Variants in RUNX2 observed in about 807,000 individuals in gnomAD.
RUNX2 encodes the protein RUNX family transcription factor 2, also known as runt-related transcription factor 2.
A neutral mutation model predicts 51.7 loss-of-function variants in RUNX2; 10 were observed. The observed-to-expected ratio is 0.19, with a 90% CI of 0.12 to 0.33. The LOEUF is 0.33. Among genes scored for constraint, RUNX2 ranks in the 10% least tolerant of loss-of-function variants. RUNX2 has a pLI of 1.00. For missense variants in RUNX2, 562 were observed against 691.3 expected, an observed-to-expected ratio of 0.81 and a Z score of 2.10; for synonymous variants, 276 against 273.6, an observed-to-expected ratio of 1.01 and a Z score of -0.09.
chr6:45,411,445 C>T lies in RUNX2; in HGVS notation c.59-11148C>T, dbSNP rs999694159. On this transcript the variant is annotated intron_variant, in intron 2 of 8. Transcript: ENST00000647337. ...TTGACTTTGAACTGGAATATTTTTG[C>T]CATATCTCTGCCTAGAGGGAATTTT... is the stretch of plus-strand genomic sequence containing the variant. Among the ~76,000 whole-genome samples the T allele has an allele frequency of 3.3e-5, 5 of 152,068 alleles. No individual in the cohort carries two copies. In the East Asian group the frequency reaches 9.7e-4, roughly 29 times the overall value.
At chr6:45,527,667 A>G (rs1801712281) in intron 7 of RUNX2, among the ~76,000 whole-genome samples, 1 of 152,238 alleles carries the variant, frequency 6.6e-6, no homozygotes, top group Admixed American at 6.5e-5. Flanking sequence ...GATTTATTAA[A>G]CAAATACAGA....
In RUNX2 at chr6:45,445,172, G is replaced by A. The variant is rs144732328; in HGVS notation, c.685+7121G>A. Among the ~76,000 whole-genome samples the A allele has an allele frequency of 6.0e-3, 913 of 152,120 alleles. 11 individuals carry two copies. The highest frequency in any genetic ancestry group is 0.021 in the African/African-American group (853 of 41,504). On this transcript the variant is annotated intron_variant, in intron 5 of 8. Transcript: ENST00000647337. Reference sequence around the variant, plus strand: ...CCTGAGTAGCTGGGATTACAAGTGTGTGCCACCACACCTGGCTAATTTTTT... The same window carrying A: ...CCTGAGTAGCTGGGATTACAAGTGTATGCCACCACACCTGGCTAATTTTTT...
rs937250650 is a variant in RUNX2 at position 45,482,621 on chromosome 6, T to C, written c.686-9320T>C. Among the ~76,000 whole-genome samples, 8 of 152,352 alleles carry C rather than the reference T, an allele frequency of 5.3e-5. No individual in the cohort carries two copies. The South Asian group carries it at 6.2e-4, about 12-fold the overall frequency. ...AATATGACTACATATGAGATTGAGATAGTGAACTTTATGTCACTGGTCTAA... is the reference window on the plus strand; with the variant it reads ...AATATGACTACATATGAGATTGAGACAGTGAACTTTATGTCACTGGTCTAA... On this transcript the variant is annotated intron_variant, in intron 5 of 8. Transcript: ENST00000647337.
intron 2 of RUNX2, among the ~76,000 whole-genome samples, chr6:45,334,612 C>A (rs1051446201): frequency 6.6e-6 from 1 of 150,822 alleles, no homozygotes. Flanking sequence ...ATTTTTACAC[C>A]GAAACAAAAT....
chr6:45,419,065 C>T (rs927233414), intron 2 of RUNX2, among the ~76,000 whole-genome samples: 5 of 152,068 alleles, frequency 3.3e-5, no homozygotes, highest in African/African-American at 7.2e-5. Flanking sequence ...GACAAAACAG[C>T]GATGGAGAAA....
At position 45,361,301 on chromosome 6, in the gene RUNX2, T is replaced by A. The variant is rs1794215523; in HGVS notation, c.58+32517T>A. 2.0e-5 allele frequency among the ~76,000 whole-genome samples: 3 copies of A among 152,172 alleles called. No individual in the cohort carries two copies. The South Asian group carries it at 6.2e-4, about 31-fold the overall frequency. Reference sequence around the variant, plus strand: ...AACAAGATTTTTTCAATGTTATTGCTATTTATCCCCAAAACTCCCAATTTT... The same window carrying A: ...AACAAGATTTTTTCAATGTTATTGCAATTTATCCCCAAAACTCCCAATTTT... On this transcript the variant is annotated intron_variant, in intron 2 of 8. Coordinates refer to ENST00000647337, the MANE Select transcript of RUNX2 (RefSeq NM_001024630.4).
chr6:45,432,041 C>T lies in RUNX2; in HGVS notation c.580+22C>T, dbSNP rs1798556211. ...CGAGGTAGGTCTCTGACTTTTGATA[C>T]TGATAATAGAATAAGCACATTAGGC... On this transcript the variant is annotated intron_variant, in intron 4 of 8. Transcript: ENST00000647337. 1.9e-6 allele frequency: 3 copies of T among 1,611,374 alleles called. No individual in the cohort carries two copies. In the East Asian group the frequency reaches 6.7e-5, roughly 36 times the overall value.
chr6:45,530,496 C>T (rs1013696610), intron 7 of RUNX2, among the ~76,000 whole-genome samples: 4 of 152,190 alleles, frequency 2.6e-5, no homozygotes, highest in Non-Finnish European at 5.9e-5. Context: ...TGCATTCCCC[C>T]ACAGTATCCT....
At position 45,531,701 on chromosome 6, in the gene RUNX2, C is replaced by T. The variant is rs1289316960; in HGVS notation, c.1022-13516C>T. ...CCAGGAGACAGAGGCTGTGGTGAGC[C>T]GAGATGGCGCCACTGCACTCCAGTC... On this transcript the variant is annotated intron_variant, in intron 7 of 8. Transcript: ENST00000647337. Among the ~76,000 whole-genome samples the T allele has an allele frequency of 2.6e-5, 4 of 151,850 alleles. No homozygotes were observed. The East Asian group carries it at 5.8e-4, about 22-fold the overall frequency.
Position 45,398,142 on chromosome 6 carries a change from G to A in RUNX2, c.59-24451G>A, listed in dbSNP as rs530464163. ...AGGGTGTAAGCTATAGATTCAGATT[G>A]CCTTGGCTTCACTGCTTTCAGTGTG... is the stretch of plus-strand genomic sequence containing the variant. On this transcript the variant is annotated intron_variant, in intron 2 of 8. Coordinates refer to ENST00000647337, the MANE Select transcript of RUNX2 (RefSeq NM_001024630.4). 6.6e-5 allele frequency among the ~76,000 whole-genome samples: 10 copies of A among 152,302 alleles called. No individual in the cohort carries two copies. The East Asian group carries it at 1.7e-3, about 26-fold the overall frequency.
chr6:45,509,456 C>A (rs1801077293), intron 6 of RUNX2, among the ~76,000 whole-genome samples: 1 of 152,256 alleles, frequency 6.6e-6, no homozygotes, highest in African/African-American at 2.4e-5. Flanking sequence ...TATAGATGAG[C>A]CACCAAGGCC....
At chr6:45,477,770 T>G (rs1799996747) in intron 5 of RUNX2, among the ~76,000 whole-genome samples, 1 of 152,238 alleles carries the variant, frequency 6.6e-6, no homozygotes, top group African/African-American at 2.4e-5. Context: ...CACTCCCTTC[T>G]AAATCTATCT....
intron 7 of RUNX2, among the ~76,000 whole-genome samples, chr6:45,520,613 C>T (rs921201773): frequency 6.6e-6 from 1 of 152,204 alleles, no homozygotes; most frequent in Non-Finnish European, 1.5e-5. Flanking sequence ...GTTGTTCCCT[C>T]TTGGGCATGC....
At chr6:45,400,768 C>G (rs906057312) in intron 2 of RUNX2, among the ~76,000 whole-genome samples, 31 of 152,168 alleles carry the variant, frequency 2.0e-4, no homozygotes, top group Admixed American at 1.9e-3. Context: ...GTGTGGTGAG[C>G]TTTACCGAAG....
At chr6:45,529,788 G>A (rs982317944) in intron 7 of RUNX2, among the ~76,000 whole-genome samples, 1 of 152,154 alleles carries the variant, frequency 6.6e-6, no homozygotes, top group Non-Finnish European at 1.5e-5. Context: ...TTGAAAAGAG[G>A]CGTGCTTTCT....
chr6:45,515,920 G>T (rs1801305436), intron 7 of RUNX2, among the ~76,000 whole-genome samples: 1 of 152,154 alleles, frequency 6.6e-6, no homozygotes, highest in Non-Finnish European at 1.5e-5. Context: ...CCACCAGAAA[G>T]AACTGTTCCA....
intron 7 of RUNX2, among the ~76,000 whole-genome samples, chr6:45,536,228 G>T (rs553320989): frequency 1.5e-4 from 23 of 152,038 alleles, no homozygotes; most frequent in Non-Finnish European, 2.6e-4. Flanking sequence ...CCCCTCCCAG[G>T]GCATGGTCAG....
Position 45,549,015 on chromosome 6 carries a change from A to G in RUNX2, c.*1710A>G. 2.5e-6 allele frequency: 1 copy of G among 397,968 alleles called. No homozygotes were observed. The highest frequency in any genetic ancestry group is 4.4e-6 in the Non-Finnish European group (1 of 225,998). 24.7% of individuals were successfully genotyped at this position (397,968 alleles called of 1,614,324 possible). ...ACAGCCTTTGACATTTGTATTTCTT[A>G]CAATGGAGGGCCAAGGAGGGCAAGG... On this transcript the variant is annotated 3_prime_UTR_variant, in exon 9 of 9. Transcript: ENST00000647337.
intron 5 of RUNX2, among the ~76,000 whole-genome samples, chr6:45,442,946 T>G (rs1798881816): frequency 6.6e-6 from 1 of 151,022 alleles, no homozygotes; most frequent in African/African-American, 2.4e-5. Context: ...ACGTGGCCTC[T>G]CCATGTGGTC....
Sources: allele counts gnomAD v4.1 joint callset (sites outside exome capture counted in the v4.1 genomes callset), GRCh38; gene constraint gnomAD v4.1.1; transcripts MANE v1.5; gene names NCBI Gene and HGNC (gene_info 2026-07-23, HGNC 2026-07-21).